The following MYO1F variants were observed in gnomAD, a reference collection of about 807,000 sequenced individuals.
The protein encoded by MYO1F is unconventional myosin-If.
Under a neutral mutation model 146.6 loss-of-function variants are expected in MYO1F, and 60 were observed. That is an observed-to-expected ratio of 0.41 (90% CI 0.33 to 0.51). MYO1F has a LOEUF of 0.51. MYO1F is among the 20% of genes least tolerant of loss of function. MYO1F has a pLI of 0.25. For missense variants in MYO1F, 1,274 were observed against 1,534.3 expected, an observed-to-expected ratio of 0.83 and a Z score of 2.83; for synonymous variants, 602 against 602.1, an observed-to-expected ratio of 1.00 and a Z score of 0.00.
At chr19:8,558,038 C>G (rs1973929636) in intron 1 of MYO1F, among the ~76,000 whole-genome samples, 1 of 152,192 alleles carries the variant, frequency 6.6e-6, no homozygotes, top group Admixed American at 6.6e-5. Flanking sequence ...ACTCCCAGCC[C>G]TGCCTCCCTG....
intron 24 of MYO1F, among the ~76,000 whole-genome samples, chr19:8,525,771 C>A (rs1482677761): frequency 1.3e-5 from 2 of 152,174 alleles, no homozygotes; most frequent in Admixed American, 1.3e-4. Context: ...GCTCTTTGGG[C>A]CCGCCCACTT....
At chr19:8,561,441 TTC>T (rs1974115413) in intron 1 of MYO1F, among the ~76,000 whole-genome samples, 2 of 107,796 alleles carry the variant, frequency 1.9e-5, no homozygotes, top group East Asian at 5.4e-4. Context: ...TCTCCCTCCC[TTC>T]CTTCCTCCCT....
chr19:8,566,294 T>C (rs1464212031), intron 1 of MYO1F, among the ~76,000 whole-genome samples: 1 of 143,760 alleles, frequency 7.0e-6, no homozygotes, highest in African/African-American at 2.6e-5. Context: ...CAGCCTCCCA[T>C]GTAGCTGGGA....
chr19:8,553,894 A>ACACACACACACT, intron 4 of MYO1F, among the ~76,000 whole-genome samples: 63 of 102,670 alleles, frequency 6.1e-4, no homozygotes, highest in African/African-American at 2.0e-3. Context: ...ACACACACAC[A>ACACACACACACT]CTCTCTCTCT....
At chr19:8,535,924 G>A (rs764619952) in intron 19 of MYO1F, among the ~76,000 whole-genome samples, 3 of 151,680 alleles carry the variant, frequency 2.0e-5, no homozygotes, top group East Asian at 1.9e-4. Context: ...CTTGTGATCC[G>A]CCCTCCTCAG....
chr19:8,570,276 G>A (rs1176741121), intron 1 of MYO1F, among the ~76,000 whole-genome samples: 1 of 151,906 alleles, frequency 6.6e-6, no homozygotes, highest in Non-Finnish European at 1.5e-5. Context: ...CATCATGTTG[G>A]CCAGGCTGGT....
intron 1 of MYO1F, among the ~76,000 whole-genome samples, chr19:8,556,953 A>G (rs1328538229): frequency 2.0e-5 from 3 of 151,256 alleles, no homozygotes; most frequent in African/African-American, 4.9e-5. Context: ...TATTCCAACT[A>G]TAGGATATTC....
At chr19:8,537,490 G>GCAT (rs1972778894) in intron 16 of MYO1F, among the ~76,000 whole-genome samples, 2 of 152,160 alleles carry the variant, frequency 1.3e-5, no homozygotes. Context: ...CACCCAGGCT[G>GCAT]GAGCGCAATG....
intron 11 of MYO1F, 27 bp downstream of exon 11, chr19:8,548,210 A>T: frequency 1.2e-6 from 2 of 1,613,450 alleles, no homozygotes; most frequent in Non-Finnish European, 1.7e-6. Flanking sequence ...GGAGGACAGG[A>T]TGTGGGCTGG....
At chr19:8,574,555 CTTTCTTTCTTTCTTTCTTTCTT>C (rs1202183265) in intron 1 of MYO1F, among the ~76,000 whole-genome samples, 3,597 of 91,710 alleles carry the variant, frequency 0.039, 165 homozygotes, top group African/African-American at 0.15. Context: ...TTCTTTCTTT[CTTTCTTTCTTTCTTTCTTTCTT>C]TCTCTCTCTC....
chr19:8,541,425 GT>G (rs4040643), intron 15 of MYO1F, among the ~76,000 whole-genome samples: 17,066 of 87,830 alleles, frequency 0.19, 1,278 homozygotes, highest in East Asian at 0.34. Context: ...GTGTGTGTGT[GT>G]TTTTTTTTTT....
chr19:8,557,381 C>T (rs1332980786), intron 1 of MYO1F, among the ~76,000 whole-genome samples: 1 of 152,142 alleles, frequency 6.6e-6, no homozygotes, highest in African/African-American at 2.4e-5. Context: ...CATGCAGCCT[C>T]AACCTCCTGG....
intron 19 of MYO1F, among the ~76,000 whole-genome samples, chr19:8,535,416 G>A (rs544954537): frequency 6.6e-6 from 1 of 151,904 alleles, no homozygotes; most frequent in African/African-American, 2.4e-5. Flanking sequence ...GTCTTTGCTG[G>A]TGATAGTTAT....
rs779230794 is a variant in MYO1F, at chr19:8,530,648, G to T, written c.2044-75C>A. On this transcript the variant is annotated intron_variant, in intron 19 of 27. Transcript: ENST00000644032. The surrounding 1 kb of genome is among the most constrained non-coding windows in gnomAD (Gnocchi z 5.8). ...GGCTGCAGTTCCGGGTTTTCCCTGCGCTCACCCTACTCACACGCTTTTGCT... is the reference window on the plus strand; with the variant it reads ...GGCTGCAGTTCCGGGTTTTCCCTGCTCTCACCCTACTCACACGCTTTTGCT... The T allele has an allele frequency of 7.5e-5, 89 of 1,186,078 alleles. No individual in the cohort carries two copies. In the African/African-American group the frequency reaches 1.1e-3, roughly 15 times the overall value. 73.5% of individuals were successfully genotyped at this position (1,186,078 alleles called of 1,614,324 possible). A position where few individuals can be genotyped will look rare whatever the true frequency, so the allele number is the denominator to read the frequency against.
chr19:8,574,621 CTTTCTTTCTTTCTTTCTTTCTTTCCTTT>C lies in MYO1F; in HGVS notation c.3+2658_3+2685del, dbSNP rs1399019887. ...TCTTTCTTTCTTTCTTTCTTTCTTTCTTTCTTTCTTTCTTTCTTTCTTTCCTTTCTTTCTCTTTCTTCTTTCTCTCTTT... is the reference window on the plus strand; with the variant it reads ...TCTTTCTTTCTTTCTTTCTTTCTTTCCTTTCTCTTTCTTCTTTCTCTCTTT... On this transcript the variant is annotated intron_variant, in intron 1 of 27. Transcript: ENST00000644032. Among the ~76,000 whole-genome samples, 465 of 58,800 alleles carry C rather than the reference CTTTCTTTCTTTCTTTCTTTCTTTCCTTT, an allele frequency of 7.9e-3. 7 individuals carry two copies. The highest frequency in any genetic ancestry group is 0.029 in the African/African-American group (432 of 14,648). 38.6% of individuals were successfully genotyped at this position (58,800 alleles called of 152,430 possible).
chr19:8,546,493 G>T (rs1196498329), intron 12 of MYO1F, among the ~76,000 whole-genome samples: 1 of 151,738 alleles, frequency 6.6e-6, no homozygotes, highest in East Asian at 1.9e-4. Flanking sequence ...CCGAGTAGCT[G>T]GGACCGTAGG....
rs1599907388 is a variant in MYO1F, at chr19:8,524,467, C to A, written c.2854+1012G>T. On this transcript the variant is annotated intron_variant, in intron 25 of 27. Transcript: ENST00000644032. The stretch of plus-strand genomic sequence containing the variant: ...AGGCGTGGTAGCACACGCCTGTAGT[C>A]CCAGCTACTCAGGGGGCTGAGGCAG... Among the ~76,000 whole-genome samples the A allele has an allele frequency of 4.6e-5, 7 of 151,064 alleles. 1 individual carries two copies. Among genetic ancestry groups the A allele is most frequent in the Admixed American group, 4.6e-4 (7 of 15,154 alleles).
intron 15 of MYO1F, among the ~76,000 whole-genome samples, chr19:8,540,785 G>T (rs76234175): frequency 0.024 from 3,693 of 151,936 alleles, 84 homozygotes; most frequent in African/African-American, 0.061. Context: ...GTCATGGATT[G>T]AGACACTGCT....
chr19:8,567,703 T>A (rs10416597), intron 1 of MYO1F, among the ~76,000 whole-genome samples: 13 of 152,202 alleles, frequency 8.5e-5, no homozygotes, highest in Admixed American at 5.2e-4. Flanking sequence ...AGAGGTTAAG[T>A]GTCCTCTTCA....
Sources: gnomAD v4.1 joint callset for allele counts (sites outside exome capture counted in the v4.1 genomes callset) on GRCh38, gnomAD v4.1.1 for gene constraint, Gnocchi (gnomAD v3.1) non-coding constraint, MANE v1.5 for transcripts, NCBI Gene and HGNC (gene_info 2026-07-23, HGNC 2026-07-21) for gene names.